The following OPHN1 variants were observed in gnomAD, a reference collection of about 807,000 sequenced individuals.
OPHN1 encodes the protein oligophrenin 1, also known as oligophrenin-1.
A neutral mutation model predicts 60.7 loss-of-function variants in OPHN1; 11 were observed. The observed-to-expected ratio is 0.18, with a 90% CI of 0.11 to 0.30. The LOEUF (loss-of-function observed/expected upper bound fraction) is 0.30, where lower values mean the gene tolerates loss of function less well. OPHN1 is among the 10% of genes least tolerant of loss of function. The pLI is 1.00. For missense variants in OPHN1, 449 were observed against 611.0 expected, an observed-to-expected ratio of 0.73 and a Z score of 2.80; for synonymous variants, 226 against 222.6, an observed-to-expected ratio of 1.02 and a Z score of -0.14.
chrX:68,239,679 C>T (rs1430401701), intron 5 of OPHN1, among the ~76,000 whole-genome samples: 1 of 112,092 alleles, frequency 8.9e-6, no homozygotes, highest in Non-Finnish European at 1.9e-5. Context: ...TTTACTGATG[C>T]TGCTGATTTT....
At chrX:68,100,258 TACATACACGCACACACACGCACACAC>T (rs1239406768) in intron 18 of OPHN1, among the ~76,000 whole-genome samples, 2 of 109,453 alleles carry the variant, frequency 1.8e-5, no homozygotes, top group Non-Finnish European at 3.8e-5. Flanking sequence ...TATACATACA[TACATACACGCACACACACGCACACAC>T]ACATACACAC....
chrX:68,366,762 G>A (rs1463185622), intron 2 of OPHN1, among the ~76,000 whole-genome samples: 1 of 111,656 alleles, frequency 9.0e-6, no homozygotes, highest in Non-Finnish European at 1.9e-5. Flanking sequence ...ATATAATTAT[G>A]GTGTAATTTC....
intron 5 of OPHN1, 27 bp downstream of exon 5, chrX:68,274,711 A>C: frequency 9.2e-7 from 1 of 1,083,770 alleles, no homozygotes; most frequent in South Asian, 1.9e-5. Flanking sequence ...TATTTTAAAA[A>C]ATCTTATGCA....
chrX:68,169,466 T>C (rs1334369606), intron 15 of OPHN1, among the ~76,000 whole-genome samples: 1 of 109,721 alleles, frequency 9.1e-6, no homozygotes. Flanking sequence ...AGAGCCCGCA[T>C]TGCCAAGTCA....
intron 2 of OPHN1, among the ~76,000 whole-genome samples, chrX:68,367,861 G>A (rs754177741): frequency 3.6e-5 from 4 of 111,222 alleles, no homozygotes; most frequent in South Asian, 3.8e-4. Flanking sequence ...ACGTGTCTTC[G>A]GTCATGATTG....
intron 2 of OPHN1, among the ~76,000 whole-genome samples, chrX:68,355,428 T>A (rs1214472011): frequency 8.9e-6 from 1 of 112,099 alleles, no homozygotes; most frequent in Non-Finnish European, 1.9e-5. Context: ...ATACATGTAG[T>A]TAATCTCTCT....
In OPHN1 at chrX:68,298,996, CT is replaced by C; in HGVS notation, c.250+4del. On this transcript the variant is annotated splice_donor_region_variant and intron_variant, in intron 3 of 24. Transcript: ENST00000355520. ...GTATATGACCACATGTAGCTGAAGACTTACCGATGTTAATTTCATCATCAGT... is the reference window on the plus strand; with the variant it reads ...GTATATGACCACATGTAGCTGAAGACTACCGATGTTAATTTCATCATCAGT... The C allele has an allele frequency of 8.8e-7, 1 of 1,140,261 alleles. No individual in the cohort carries two copies. The highest frequency in any genetic ancestry group is 1.2e-6 in the Non-Finnish European group (1 of 835,225). The allele number at this position is 1,140,261 out of a possible 1,213,427, so 94.0% of individuals were successfully genotyped here.
chrX:68,333,661 G>A (rs1436687391), intron 2 of OPHN1, among the ~76,000 whole-genome samples: 4 of 108,208 alleles, frequency 3.7e-5, no homozygotes, highest in Admixed American at 1.0e-4. Context: ...ATAATAAAGC[G>A]CGCGTGCGTG....
chrX:68,367,220 G>A (rs1380010816), intron 2 of OPHN1, among the ~76,000 whole-genome samples: 1 of 109,411 alleles, frequency 9.1e-6, no homozygotes, highest in Non-Finnish European at 1.9e-5. Context: ...AGGGTGTGCT[G>A]GTGTGCACCT....
intron 23 of OPHN1, among the ~76,000 whole-genome samples, chrX:68,050,895 T>C (rs983838106): frequency 2.7e-5 from 3 of 112,708 alleles, no homozygotes; most frequent in African/African-American, 9.7e-5. Context: ...TGATTAAGCT[T>C]ACTTAAAAAA....
At chrX:68,397,251 G>A (rs2078689456) in intron 2 of OPHN1, among the ~76,000 whole-genome samples, 1 of 110,921 alleles carries the variant, frequency 9.0e-6, no homozygotes, top group Admixed American at 9.6e-5. Context: ...CTTCTAATTG[G>A]CTATAAACCA....
intron 18 of OPHN1, among the ~76,000 whole-genome samples, chrX:68,103,073 A>G (rs767809944): frequency 2.7e-5 from 3 of 112,162 alleles, no homozygotes; most frequent in Non-Finnish European, 5.6e-5. Flanking sequence ...AGACACAACA[A>G]CAACAAAAAC....
intron 15 of OPHN1, among the ~76,000 whole-genome samples, chrX:68,139,317 G>T (rs975679695): frequency 9.0e-6 from 1 of 111,506 alleles, no homozygotes; most frequent in African/African-American, 3.3e-5. Flanking sequence ...GTGTGAAAAT[G>T]GTATTATGGC....
At chrX:68,104,026 T>C (rs2077071103) in intron 18 of OPHN1, among the ~76,000 whole-genome samples, 1 of 110,298 alleles carries the variant, frequency 9.1e-6, no homozygotes, top group African/African-American at 3.3e-5. Context: ...TATACACCAA[T>C]AACAGAAAGC....
chrX:68,058,015 G>A (rs1198418895), intron 21 of OPHN1, among the ~76,000 whole-genome samples: 2 of 111,127 alleles, frequency 1.8e-5, no homozygotes, highest in Non-Finnish European at 3.8e-5. Context: ...TCTAGGGTAC[G>A]TGTGCACAAT....
chrX:68,378,995 T>C (rs1249186253), intron 2 of OPHN1, among the ~76,000 whole-genome samples: 1 of 110,859 alleles, frequency 9.0e-6, no homozygotes, highest in Admixed American at 9.7e-5. Flanking sequence ...TTGATGGAGA[T>C]GGCATTGAAT....
chrX:68,227,500 T>C (rs1225533215), intron 6 of OPHN1, among the ~76,000 whole-genome samples: 1 of 110,855 alleles, frequency 9.0e-6, no homozygotes, highest in African/African-American at 3.3e-5. Context: ...GACCATATAG[T>C]TGGAAGTAAA....
intron 15 of OPHN1, among the ~76,000 whole-genome samples, chrX:68,167,584 T>C (rs866341103): frequency 1.8e-5 from 2 of 110,808 alleles, no homozygotes; most frequent in South Asian, 3.8e-4. Context: ...TGTATATCTG[T>C]ATACATATAC....
intron 19 of OPHN1, among the ~76,000 whole-genome samples, chrX:68,088,906 T>G (rs2077005755): frequency 9.0e-6 from 1 of 111,095 alleles, no homozygotes; most frequent in African/African-American, 3.3e-5. Flanking sequence ...TATTTTTCCA[T>G]TCTTTCCATT....
Sources: gnomAD v4.1 joint callset for allele counts (sites outside exome capture counted in the v4.1 genomes callset) on GRCh38, gnomAD v4.1.1 for gene constraint, MANE v1.5 for transcripts, NCBI Gene and HGNC (gene_info 2026-07-23, HGNC 2026-07-21) for gene names.